The following CCBE1 variants were observed in gnomAD, a reference collection of about 807,000 sequenced individuals.
CCBE1 encodes the protein collagen and calcium binding EGF domains 1, also known as collagen and calcium-binding EGF domain-containing protein 1.
A neutral mutation model predicts 50.0 loss-of-function variants in CCBE1; 37 were observed. The ratio of observed to expected loss-of-function variants is 0.74; its 90% CI spans 0.57 to 0.97. The LOEUF is 0.97. Ranked by LOEUF, CCBE1 falls within the 50% of genes least tolerant of loss-of-function variation. The pLI, the probability that CCBE1 is intolerant of heterozygous loss-of-function variation, is 0.00. For missense variants in CCBE1, 538 were observed against 523.8 expected (o/e 1.03, Z -0.26); for synonymous variants, 234 against 203.7 (o/e 1.15, Z -1.27).
intron 2 of CCBE1, among the ~76,000 whole-genome samples, chr18:59,658,357 ATATATATATATATATATAT>A (rs2054229704): frequency 6.4e-4 from 1 of 1,568 alleles, no homozygotes; most frequent in Non-Finnish European, 1.0e-3. Flanking sequence ...AAAAAAAAAT[ATATATATATATATATATAT>A]ATATATATAT....
At chr18:59,618,489 C>T (rs1455067782) in intron 2 of CCBE1, among the ~76,000 whole-genome samples, 1 of 151,072 alleles carries the variant, frequency 6.6e-6, no homozygotes, top group African/African-American at 2.4e-5. Context: ...GACTGGAGCG[C>T]AGTGGCACAA....
At chr18:59,587,414 G>T (rs2053193651) in intron 2 of CCBE1, among the ~76,000 whole-genome samples, 1 of 152,132 alleles carries the variant, frequency 6.6e-6, no homozygotes, top group Non-Finnish European at 1.5e-5. Context: ...GTACCAAAAA[G>T]CATTTGCTAG....
rs541622455 is a variant in CCBE1, at chr18:59,679,921, C to T, written c.212+16708G>A. ...TGTAGGTAGGTAAGAGACATGGTTACATTCCAAAGGAGGCAATCAAGGCCG... is the reference window on the plus strand; with the variant it reads ...TGTAGGTAGGTAAGAGACATGGTTATATTCCAAAGGAGGCAATCAAGGCCG... On this transcript the variant is annotated intron_variant, in intron 2 of 10. Transcript: ENST00000439986. 6.6e-5 allele frequency among the ~76,000 whole-genome samples: 10 copies of T among 152,258 alleles called. No individual in the cohort carries two copies. In the South Asian group the frequency reaches 1.7e-3, roughly 25 times the overall value.
intron 5 of CCBE1, among the ~76,000 whole-genome samples, chr18:59,460,624 G>A (rs557114389): frequency 6.6e-6 from 1 of 152,296 alleles, no homozygotes; most frequent in South Asian, 2.1e-4. Context: ...ATATTTCTTA[G>A]ATGGAGGACT....
At chr18:59,547,306 T>C (rs531519037) in intron 2 of CCBE1, among the ~76,000 whole-genome samples, 4 of 152,178 alleles carry the variant, frequency 2.6e-5, no homozygotes, top group Non-Finnish European at 4.4e-5. Context: ...AGAGCAGTCA[T>C]AGATCTGGAG....
At chr18:59,559,896 A>C (rs2144443989) in intron 2 of CCBE1, among the ~76,000 whole-genome samples, 1 of 152,258 alleles carries the variant, frequency 6.6e-6, no homozygotes, top group African/African-American at 2.4e-5. Context: ...CATGGACTTG[A>C]TGGACCGCTG....
At chr18:59,596,819 G>C (rs530309470) in intron 2 of CCBE1, among the ~76,000 whole-genome samples, 1 of 152,192 alleles carries the variant, frequency 6.6e-6, no homozygotes, top group Non-Finnish European at 1.5e-5. Context: ...TGAGCATCAC[G>C]TCGTCAAAAC....
At chr18:59,601,028 TTTTTTTTTTTTTTTTTTTTG>T (rs1392426109) in intron 2 of CCBE1, among the ~76,000 whole-genome samples, 1 of 95,510 alleles carries the variant, frequency 1.0e-5, no homozygotes, top group Non-Finnish European at 2.1e-5. Flanking sequence ...TTTTTTTTTT[TTTTTTTTTTTTTTTTTTTTG>T]TAAGACAGGG....
intron 2 of CCBE1, among the ~76,000 whole-genome samples, chr18:59,610,859 C>T (rs558172728): frequency 2.6e-5 from 4 of 152,334 alleles, no homozygotes; most frequent in East Asian, 1.9e-4. Context: ...CCACCAGCGC[C>T]CCTGGGGATT....
intron 3 of CCBE1, among the ~76,000 whole-genome samples, chr18:59,476,190 C>A (rs1353729744): frequency 6.6e-6 from 1 of 152,170 alleles, no homozygotes; most frequent in Non-Finnish European, 1.5e-5. Context: ...ATAATACCCA[C>A]ACTTCATGGT....
intron 2 of CCBE1, among the ~76,000 whole-genome samples, chr18:59,600,181 C>G (rs1021641462): frequency 6.6e-6 from 1 of 152,146 alleles, no homozygotes; most frequent in African/African-American, 2.4e-5. Context: ...GTGAGCATTT[C>G]TACCTGTGCT....
chr18:59,593,383 A>G (rs923013625), intron 2 of CCBE1, among the ~76,000 whole-genome samples: 5 of 152,224 alleles, frequency 3.3e-5, no homozygotes, highest in Admixed American at 6.5e-5. Context: ...TCTAGTTTTT[A>G]TATTAGCTTA....
At chr18:59,452,453 G>A (rs181094559) in intron 6 of CCBE1, among the ~76,000 whole-genome samples, 6 of 152,200 alleles carry the variant, frequency 3.9e-5, no homozygotes, top group Non-Finnish European at 8.8e-5. Context: ...AATTAGCGTG[G>A]CATGGTGGTA....
intron 2 of CCBE1, among the ~76,000 whole-genome samples, chr18:59,679,628 A>G (rs1223024136): frequency 2.0e-5 from 3 of 151,944 alleles, no homozygotes; most frequent in Admixed American, 6.6e-5. Context: ...TTCACCCTCA[A>G]AATAAACTTG....
intron 2 of CCBE1, among the ~76,000 whole-genome samples, chr18:59,679,767 T>C (rs1029602395): frequency 2.6e-5 from 4 of 152,192 alleles, no homozygotes; most frequent in African/African-American, 9.7e-5. Flanking sequence ...CCTGACTACA[T>C]GTGCCTAAGG....
intron 2 of CCBE1, among the ~76,000 whole-genome samples, chr18:59,514,589 T>C (rs543602067): frequency 6.7e-6 from 1 of 148,658 alleles, no homozygotes; most frequent in African/African-American, 2.5e-5. Context: ...AATACAGACT[T>C]CCTTTGGGGA....
rs2054479665 is a variant in CCBE1, at chr18:59,674,917, A to C, written c.212+21712T>G. 2.6e-5 allele frequency among the ~76,000 whole-genome samples: 4 copies of C among 152,198 alleles called. No individual in the cohort carries two copies. The South Asian group carries it at 6.2e-4, about 24-fold the overall frequency. On this transcript the variant is annotated intron_variant, in intron 2 of 10. Transcript: ENST00000439986. The stretch of plus-strand genomic sequence containing the variant: ...ACAATAACATTTAGCTGTAAAACCT[A>C]AACAATTCCTGGGCAAATCCAGCAT...
upstream of CCBE1, chr18:59,697,626 G>T (rs1050953366): frequency 5.5e-5 from 24 of 436,070 alleles, no homozygotes; most frequent in Non-Finnish European, 6.2e-5. Context: ...TTGTCTCGTC[G>T]GGACGTTCAC....
intron 2 of CCBE1, among the ~76,000 whole-genome samples, chr18:59,610,532 G>T (rs1334204764): frequency 3.3e-5 from 5 of 151,638 alleles, no homozygotes; most frequent in African/African-American, 1.2e-4. Context: ...CAAAGCTTCA[G>T]AACAAAAAAA....
Sources: allele counts gnomAD v4.1 joint callset (sites outside exome capture counted in the v4.1 genomes callset), GRCh38; gene constraint gnomAD v4.1.1; transcripts MANE v1.5; gene names NCBI Gene and HGNC (gene_info 2026-07-23, HGNC 2026-07-21).